Variants in CLCN3 observed in about 807,000 individuals in gnomAD.
CLCN3 encodes the protein H(+)/Cl(-) exchange transporter 3.
In CLCN3, 16 loss-of-function variants were observed where a neutral mutation model predicts 83.4. The observed-to-expected ratio is 0.19, with a 90% CI of 0.13 to 0.29. The LOEUF (loss-of-function observed/expected upper bound fraction) is 0.29, where lower values mean the gene tolerates loss of function less well. CLCN3 is among the 10% of genes least tolerant of loss of function. CLCN3 has a pLI of 1.00. For synonymous variants in CLCN3, 322 were observed against 346.2 expected, an observed-to-expected ratio of 0.93 and a Z score of 0.78; for missense variants, 544 against 1,006.0, an observed-to-expected ratio of 0.54 and a Z score of 6.21.
At chr4:169,652,295 A>G (rs1228375356) in intron 2 of CLCN3, among the ~76,000 whole-genome samples, 4 of 152,138 alleles carry the variant, frequency 2.6e-5, no homozygotes, top group East Asian at 3.9e-4. Context: ...ATCCTTAAGA[A>G]TATAATTCAT....
At chr4:169,690,764 T>C (rs1474621163) in intron 6 of CLCN3, 112 bp downstream of exon 6, 1 of 1,015,388 alleles carries the variant, frequency 9.8e-7, no homozygotes, top group African/African-American at 1.6e-5. Flanking sequence ...TTGTTCATAA[T>C]ATGAAAAAAA....
At chr4:169,709,781 A>G (rs1375154318) in intron 11 of CLCN3, among the ~76,000 whole-genome samples, 1 of 152,194 alleles carries the variant, frequency 6.6e-6, no homozygotes, top group Non-Finnish European at 1.5e-5. Context: ...TTTTTAAAAA[A>G]TGAAGAAAAT....
At chr4:169,682,537 C>T (rs1731985179) in intron 3 of CLCN3, among the ~76,000 whole-genome samples, 1 of 152,162 alleles carries the variant, frequency 6.6e-6, no homozygotes, top group African/African-American at 2.4e-5. Context: ...TATTATGCAA[C>T]TCAAATAAAT....
chr4:169,633,248 C>G (rs560181197), intron 1 of CLCN3, among the ~76,000 whole-genome samples: 1 of 152,208 alleles, frequency 6.6e-6, no homozygotes, highest in South Asian at 2.1e-4. Context: ...TGACCTCAAG[C>G]GATCCAGCTG....
intron 9 of CLCN3, among the ~76,000 whole-genome samples, chr4:169,700,368 C>T (rs1732732290): frequency 6.6e-6 from 1 of 152,164 alleles, no homozygotes; most frequent in Admixed American, 6.5e-5. Flanking sequence ...AGCGATTCTC[C>T]TGCCTCAGCC....
At chr4:169,690,209 G>C (rs755030708) in intron 5 of CLCN3, among the ~76,000 whole-genome samples, 1 of 133,628 alleles carries the variant, frequency 7.5e-6, no homozygotes, top group Non-Finnish European at 1.5e-5. Context: ...GCAGTGGCAC[G>C]ATCTCGGCTC....
intron 2 of CLCN3, among the ~76,000 whole-genome samples, chr4:169,658,017 G>C (rs779647238): frequency 6.6e-6 from 1 of 152,266 alleles, no homozygotes; most frequent in Non-Finnish European, 1.5e-5. Flanking sequence ...GAAAGTGGCA[G>C]TTGTGGACCC....
At chr4:169,687,796 A>C (rs779609254) in intron 4 of CLCN3, 39 bp downstream of exon 4, 3 of 1,191,762 alleles carry the variant, frequency 2.5e-6, no homozygotes, top group African/African-American at 3.1e-5. Flanking sequence ...TTTAGTTAAC[A>C]GAAGTATAAA....
chr4:169,635,262 T>C (rs1357904752), intron 1 of CLCN3, among the ~76,000 whole-genome samples: 4 of 152,138 alleles, frequency 2.6e-5, no homozygotes, highest in African/African-American at 4.8e-5. Context: ...TGAACTCTTA[T>C]TTTGGTGTTG....
At chr4:169,656,588 T>C (rs947883653) in intron 2 of CLCN3, among the ~76,000 whole-genome samples, 2 of 152,222 alleles carry the variant, frequency 1.3e-5, no homozygotes, top group Non-Finnish European at 2.9e-5. Flanking sequence ...ACCATACTGA[T>C]GGATTGTAAA....
intron 12 of CLCN3, 45 bp from the exon 13 acceptor site, chr4:169,719,862 A>G (rs1460126355): frequency 1.3e-6 from 2 of 1,504,704 alleles, no homozygotes; most frequent in African/African-American, 1.4e-5. Flanking sequence ...TTCTCCTTTT[A>G]TTTTCCCTTT....
At chr4:169,701,161 A>C (rs1560868222) in intron 9 of CLCN3, among the ~76,000 whole-genome samples, 1 of 152,224 alleles carries the variant, frequency 6.6e-6, no homozygotes, top group Non-Finnish European at 1.5e-5. Context: ...GGAAAATTCA[A>C]AATCTTTTGT....
chr4:169,668,403 G>A (rs1731332489), intron 2 of CLCN3, among the ~76,000 whole-genome samples: 1 of 152,088 alleles, frequency 6.6e-6, no homozygotes, highest in Non-Finnish European at 1.5e-5. Flanking sequence ...GTCAAGTATA[G>A]TATTAAATGT....
chr4:169,661,366 A>G (rs1731050934), intron 2 of CLCN3, among the ~76,000 whole-genome samples: 1 of 152,124 alleles, frequency 6.6e-6, no homozygotes, highest in South Asian at 2.1e-4. Context: ...CCAAACTTTT[A>G]TTTGTAAGTA....
chr4:169,639,224 G>A (rs1444332866), intron 2 of CLCN3, among the ~76,000 whole-genome samples: 1 of 152,134 alleles, frequency 6.6e-6, no homozygotes, highest in Non-Finnish European at 1.5e-5. Flanking sequence ...TAACAATGGG[G>A]TCTCACTGTG....
At chr4:169,671,769 G>T (rs1389289869) in intron 2 of CLCN3, among the ~76,000 whole-genome samples, 2 of 152,064 alleles carry the variant, frequency 1.3e-5, no homozygotes, top group African/African-American at 4.8e-5. Context: ...GTGTGTGGAG[G>T]GGTCAAGAAA....
At chr4:169,711,616 C>CT (rs1581282975) in intron 11 of CLCN3, among the ~76,000 whole-genome samples, 1 of 152,000 alleles carries the variant, frequency 6.6e-6, no homozygotes, top group East Asian at 1.9e-4. Context: ...TCCCAAAGTG[C>CT]TGGGATTACA....
chr4:169,697,575 C>T lies in CLCN3; in HGVS notation c.1404C>T (p.Ser468=). ...ELFTDCGPLE[S]SSLCDYRNDM... is the part of the protein sequence containing the mutation. ...TTACAGACTGTGGTCCCCTGGAATC[C>T]TCTTCTCTTTGTGACTACAGAAATG... Residue 468 remains serine, a synonymous_variant, in exon 9 of 13, where the codon TCC becomes TCT. Transcript: ENST00000513761. 1 of 1,614,198 alleles carries T rather than the reference C, an allele frequency of 6.2e-7. No individual in the cohort carries two copies. The highest frequency in any genetic ancestry group is 1.3e-5 in the African/African-American group (1 of 75,050).
intron 2 of CLCN3, chr4:169,660,103 TA>T (rs1326736341): frequency 1.0e-5 from 11 of 1,061,552 alleles, no homozygotes; most frequent in Non-Finnish European, 1.3e-5. Context: ...TTGTCATACG[TA>T]GCAGGACCTG....
Sources: gnomAD v4.1 joint callset for allele counts (sites outside exome capture counted in the v4.1 genomes callset) on GRCh38, gnomAD v4.1.1 for gene constraint, MANE v1.5 for transcripts, NCBI Gene and HGNC (gene_info 2026-07-23, HGNC 2026-07-21) for gene names.